Variants in SYT7 observed in about 807,000 individuals in gnomAD.
The protein encoded by SYT7 is synaptotagmin-7.
A neutral mutation model predicts 75.1 loss-of-function variants in SYT7; 29 were observed. That is an observed-to-expected ratio of 0.39 (90% confidence interval 0.29 to 0.53). The LOEUF (loss-of-function observed/expected upper bound fraction) is 0.53, where lower values mean the gene tolerates loss of function less well. Ranked by LOEUF, SYT7 falls within the 20% of genes least tolerant of loss-of-function variation. SYT7 has a pLI of 0.77. For synonymous variants in SYT7, 376 were observed against 401.7 expected (o/e 0.94, Z 0.76); for missense variants, 693 against 953.2 (o/e 0.73, Z 3.59).
chr11:61,548,929 G>A lies in SYT7; in HGVS notation c.216-1621C>T, dbSNP rs140830327. The stretch of plus-strand genomic sequence containing the variant: ...TGTGTACAGGGTTCAAAGCCAAAGC[G>A]TAGAGCCAGCTCACAGGGGCAGTAA... On this transcript the variant is annotated intron_variant, in intron 3 of 12. Coordinates refer to ENST00000539008, the MANE Select transcript of SYT7 (RefSeq NM_001365809.2). 1.6e-4 allele frequency among the ~76,000 whole-genome samples: 24 copies of A among 152,248 alleles called. No homozygotes were observed. In the East Asian group the frequency reaches 4.2e-3, roughly 27 times the overall value.
intron 8 of SYT7, among the ~76,000 whole-genome samples, chr11:61,530,251 G>A (rs1355884692): frequency 6.6e-6 from 1 of 152,168 alleles, no homozygotes; most frequent in African/African-American, 2.4e-5. Context: ...ACAGTCTGAG[G>A]CTTTACCCCG....
chr11:61,539,695 A>C (rs549179129), intron 6 of SYT7: 1 of 152,322 alleles, frequency 6.6e-6, no homozygotes, highest in East Asian at 1.9e-4. Context: ...GTTGTCAAAC[A>C]GGGAACAAAC....
Position 61,523,902 on chromosome 11 carries a change from G to A in SYT7, c.1681C>T (p.Pro561Ser). The change falls in exon 11 of 13, where the codon CCC (proline) becomes TCC (serine). Residue 561 changes from proline to serine, a missense_variant. This residue lies in a region of SYT7 where 206 missense variants were observed against 360.0 expected (regional missense o/e 0.57). Transcript: ENST00000539008. The surrounding 1 kb of genome is among the most constrained non-coding windows in gnomAD (Gnocchi z 5.0). Reference protein sequence around the residue: ...GELLLSLCYNPSANSIIVNII... With the variant: ...GELLLSLCYNSSANSIIVNII... ...TTCACGATGATGGAGTTGGCAGAGG[G>A]GTTGTAGCAGAGAGACAAGAGCAGC... 1 of 1,614,056 alleles carries A rather than the reference G, an allele frequency of 6.2e-7. No individual in the cohort carries two copies. The highest frequency in any genetic ancestry group is 1.1e-5 in the South Asian group (1 of 91,074).
upstream of SYT7, among the ~76,000 whole-genome samples, chr11:61,584,070 T>C (rs1377640038): frequency 6.6e-6 from 1 of 152,126 alleles, no homozygotes; most frequent in Non-Finnish European, 1.5e-5. Flanking sequence ...AGTTTAAGCA[T>C]GGTGAAAAAA....
intron 2 of SYT7, among the ~76,000 whole-genome samples, chr11:61,554,631 G>A (rs1423401115): frequency 2.6e-5 from 4 of 152,160 alleles, no homozygotes; most frequent in Non-Finnish European, 4.4e-5. Context: ...GCAACAAGAT[G>A]CTCCGGGCTG....
At chr11:61,530,186 C>T (rs188297058) in intron 8 of SYT7, among the ~76,000 whole-genome samples, 15 of 152,336 alleles carry the variant, frequency 9.8e-5, no homozygotes, top group East Asian at 9.6e-4. Context: ...CCCAGTTTAT[C>T]GGCCAGGAAT....
At chr11:61,585,538 T>G (rs1483593079), upstream of SYT7, among the ~76,000 whole-genome samples, 1 of 152,122 alleles carries the variant, frequency 6.6e-6, no homozygotes, top group Non-Finnish European at 1.5e-5. Flanking sequence ...CTTCCTCCTC[T>G]GCAGAGGACA....
chr11:61,577,285 G>A (rs568744781), intron 1 of SYT7, among the ~76,000 whole-genome samples: 4 of 152,374 alleles, frequency 2.6e-5, no homozygotes, highest in Admixed American at 1.3e-4. Context: ...GTCCTGGCCT[G>A]TGGGGAGATC....
At position 61,546,619 on chromosome 11, in the gene SYT7, C is replaced by T. The variant is rs1195905451; in HGVS notation, c.348-364G>A. 2 of 478,216 alleles carry T rather than the reference C, an allele frequency of 4.2e-6. No individual in the cohort carries two copies. Among genetic ancestry groups the T allele is most frequent in the African/African-American group, 3.9e-5 (2 of 50,968 alleles). The allele number at this position is 478,216 out of a possible 1,614,324, so 29.6% of individuals were successfully genotyped here. ...GGAGGGCAGCCACCTCCAACTCTATCCCACAGGACAACGAAGGGTTAACGA... is the reference window on the plus strand; with the variant it reads ...GGAGGGCAGCCACCTCCAACTCTATTCCACAGGACAACGAAGGGTTAACGA... On this transcript the variant is annotated intron_variant, in intron 4 of 12. Transcript: ENST00000539008. This position sits in a 1 kb window ranked among gnomAD's most constrained non-coding sequence, Gnocchi z 7.6.
At chr11:61,521,332 T>TA (rs1463036858) in intron 12 of SYT7, among the ~76,000 whole-genome samples, 1 of 152,214 alleles carries the variant, frequency 6.6e-6, no homozygotes, top group Non-Finnish European at 1.5e-5. Flanking sequence ...GAAGGAGCTC[T>TA]AATTGGTATC....
Position 61,580,991 on chromosome 11 carries a change from AGCCCTCCC to A in SYT7, c.-179_-172del. On this transcript the variant is annotated 5_prime_UTR_variant, in exon 1 of 13. Transcript: ENST00000539008. The surrounding 1 kb of genome is among the most constrained non-coding windows in gnomAD (Gnocchi z 6.1). ...AGCCGGGGAGCGGGGGCCGCCCGCC[AGCCCTCCC>A]GCCCGCCCGCGGAGCACGCTGCCGC... 1.1e-6 allele frequency: 1 copy of A among 948,492 alleles called. No individual in the cohort carries two copies. 58.8% of individuals were successfully genotyped at this position (948,492 alleles called of 1,614,324 possible).
intron 6 of SYT7, among the ~76,000 whole-genome samples, chr11:61,538,904 G>T (rs546932732): frequency 6.6e-6 from 1 of 152,224 alleles, no homozygotes; most frequent in African/African-American, 2.4e-5. Context: ...TTGAAGCCAG[G>T]TAGGGTCTAA....
At chr11:61,554,163 C>G (rs1039962524) in intron 2 of SYT7, among the ~76,000 whole-genome samples, 3 of 152,084 alleles carry the variant, frequency 2.0e-5, no homozygotes, top group African/African-American at 7.2e-5. Context: ...GACAGCCCCC[C>G]ATCTGCTGCA....
upstream of SYT7, among the ~76,000 whole-genome samples, chr11:61,582,190 C>T (rs1195377745): frequency 6.6e-6 from 1 of 152,034 alleles, no homozygotes; most frequent in Admixed American, 6.6e-5. Flanking sequence ...CCCCACAATA[C>T]AGGTGCTGCC....
intron 6 of SYT7, 143 bp from the exon 7 acceptor site, chr11:61,538,409 G>C (rs2062945208): frequency 1.4e-6 from 1 of 729,382 alleles, no homozygotes. Context: ...GAGAGACAGA[G>C]ACAAAGAGAG....
In SYT7 at chr11:61,517,817, A is replaced by C; in HGVS notation, c.*810T>G. 4.3e-6 allele frequency: 1 copy of C among 232,410 alleles called. No individual in the cohort carries two copies. The highest frequency in any genetic ancestry group is 8.3e-5 in the East Asian group (1 of 12,082). The allele number at this position is 232,410 out of a possible 1,614,324, so 14.4% of individuals were successfully genotyped here. ...GAGGAGGGAACTACTTCAGATTCTG[A>C]GCAGAGGGGGGCACCAAGGGGAGAA... On this transcript the variant is annotated 3_prime_UTR_variant, in exon 13 of 13. Coordinates refer to ENST00000539008, the MANE Select transcript of SYT7 (RefSeq NM_001365809.2).
intron 3 of SYT7, among the ~76,000 whole-genome samples, chr11:61,547,638 A>G (rs902854125): frequency 1.3e-5 from 2 of 150,702 alleles, no homozygotes; most frequent in African/African-American, 4.9e-5. Flanking sequence ...GAGAGAGAAA[A>G]TGATGAGAGG....
intron 6 of SYT7, chr11:61,540,657 T>C: frequency 2.0e-6 from 2 of 985,524 alleles, no homozygotes; most frequent in Non-Finnish European, 2.4e-6. Flanking sequence ...GAAGAGATGG[T>C]ACCCGGGTTC....
At chr11:61,560,215 A>G (rs2063601637) in intron 1 of SYT7, among the ~76,000 whole-genome samples, 1 of 152,138 alleles carries the variant, frequency 6.6e-6, no homozygotes, top group African/African-American at 2.4e-5. Flanking sequence ...CTTTGACATC[A>G]CACCAACTAG....
Sources: gnomAD v4.1 joint callset for allele counts (sites outside exome capture counted in the v4.1 genomes callset) on GRCh38, gnomAD v4.1.1 for gene constraint, gnomAD v4.1.1 regional missense constraint, Gnocchi (gnomAD v3.1) non-coding constraint, MANE v1.5 for transcripts, NCBI Gene and HGNC (gene_info 2026-07-23, HGNC 2026-07-21) for gene names.